Variants in AURKA observed in about 807,000 individuals in gnomAD.
AURKA encodes the protein aurora kinase A.
In AURKA, 12 loss-of-function variants were observed where a neutral mutation model predicts 40.9. The observed-to-expected ratio is 0.29, with a 90% confidence interval of 0.19 to 0.48. The LOEUF (loss-of-function observed/expected upper bound fraction) is 0.48, where lower values mean the gene tolerates loss of function less well. Among genes scored for constraint, AURKA ranks in the 20% least tolerant of loss-of-function variants. The pLI, the probability that AURKA is intolerant of heterozygous loss-of-function variation, is 0.99. For missense variants in AURKA, 322 were observed against 462.1 expected, an observed-to-expected ratio of 0.70 and a Z score of 2.78; for synonymous variants, 170 against 164.3, an observed-to-expected ratio of 1.03 and a Z score of -0.26.
intron 3 of AURKA, among the ~76,000 whole-genome samples, chr20:56,384,770 AC>A (rs1986153669): frequency 6.6e-6 from 1 of 152,116 alleles, no homozygotes; most frequent in Non-Finnish European, 1.5e-5. Flanking sequence ...TAAGCCAGCC[AC>A]CCTCCATTTA....
Position 56,373,287 on chromosome 20 carries a change from TG to T in AURKA, c.854+120del. 1 of 1,345,268 alleles carries T rather than the reference TG, an allele frequency of 7.4e-7. No individual in the cohort carries two copies. The highest frequency in any genetic ancestry group is 1.1e-6 in the Non-Finnish European group (1 of 942,248). 83.3% of individuals were successfully genotyped at this position (1,345,268 alleles called of 1,614,324 possible). A position where few individuals can be genotyped will look rare whatever the true frequency, so the allele number is the denominator to read the frequency against. ...AGCCTAAATTACTCCAAAGTACTTC[TG>T]GGTTAGCCACCTACCCCTCTTACAG... On this transcript the variant is annotated intron_variant, in intron 7 of 8. Transcript: ENST00000395915. This position sits in a 1 kb window ranked among gnomAD's most constrained non-coding sequence, Gnocchi z 5.0.
In AURKA at chr20:56,384,124, T is replaced by C. The variant is rs566517276; in HGVS notation, c.374+146A>G. ...CTCATTACACAAAATTCCATTTTTT[T>C]TAAGATTGGAAATCTGGAAACATTT... On this transcript the variant is annotated intron_variant, in intron 4 of 8. Transcript: ENST00000395915. 43 of 613,802 alleles carry C rather than the reference T, an allele frequency of 7.0e-5. No homozygotes were observed. In the Admixed American group the frequency reaches 1.3e-3, roughly 18 times the overall value. The allele number at this position is 613,802 out of a possible 1,614,324, so 38.0% of individuals were successfully genotyped here. A position where few individuals can be genotyped will look rare whatever the true frequency, so the allele number is the denominator to read the frequency against.
chr20:56,390,002 C>T (rs899036439), intron 1 of AURKA, among the ~76,000 whole-genome samples: 1 of 152,186 alleles, frequency 6.6e-6, no homozygotes, highest in Admixed American at 6.5e-5. Flanking sequence ...ATTCTTAACA[C>T]TGAGGCCGGC....
intron 1 of AURKA, among the ~76,000 whole-genome samples, chr20:56,391,722 C>T (rs1032177999): frequency 1.3e-5 from 2 of 152,138 alleles, no homozygotes; most frequent in African/African-American, 4.8e-5. Flanking sequence ...TAAAGCGGCC[C>T]CCGTTAAACC....
rs992888360 is a variant in AURKA, at chr20:56,384,152, A to T, written c.374+118T>A. On this transcript the variant is annotated intron_variant, in intron 4 of 8. Transcript: ENST00000395915. ...AGATTGGAAATCTGGAAACATTTAT[A>T]TCCTCTAAATGCAAATAAAGGCCTC... 31 of 712,958 alleles carry T rather than the reference A, an allele frequency of 4.3e-5. No individual in the cohort carries two copies. The East Asian group carries it at 8.3e-4, about 19-fold the overall frequency. 44.2% of individuals were successfully genotyped at this position (712,958 alleles called of 1,614,324 possible).
chr20:56,392,086 TCCGACCAG>T (rs1166206363), intron 1 of AURKA, 74 bp downstream of exon 1: 1 of 152,204 alleles, frequency 6.6e-6, no homozygotes, highest in Non-Finnish European at 1.5e-5. Context: ...GCTCCGCCAC[TCCGACCAG>T]CCGCCCCTTG....
intron 6 of AURKA, among the ~76,000 whole-genome samples, chr20:56,374,244 G>A (rs1001210435): frequency 7.9e-5 from 12 of 152,040 alleles, no homozygotes; most frequent in South Asian, 4.1e-4. Flanking sequence ...AACACCATAC[G>A]GCAACAAATG....
Position 56,383,173 on chromosome 20 carries a change from C to A in AURKA, c.378G>T (p.Arg126Ser), listed in dbSNP as rs1456483466. 6.2e-7 allele frequency: 1 copy of A among 1,614,086 alleles called. No homozygotes were observed. Among genetic ancestry groups the A allele is most frequent in the African/African-American group, 1.3e-5 (1 of 75,042 alleles). Residue 126 changes from arginine to serine, a missense_variant, in exon 5 of 9, where the codon AGG becomes AGT. Physicochemically the swap from Arg to Ser is moderately radical, Grantham distance 110 (BLOSUM62 -1). Coordinates refer to ENST00000395915, the MANE Select transcript of AURKA (RefSeq NM_198437.3). ...TTTCAAAGTCTTCCAAAGCCCACTG[C>A]CTCCTAGGAGGAATTTGAACACTTT... ...SKQKNEESKKRQWALEDFEIG... is the reference protein window; with the variant it reads ...SKQKNEESKKSQWALEDFEIG...
At chr20:56,375,651 C>T (rs1984832912) in intron 6 of AURKA, among the ~76,000 whole-genome samples, 2 of 152,224 alleles carry the variant, frequency 1.3e-5, no homozygotes, top group Admixed American at 1.3e-4. Context: ...AGCCCAAAAC[C>T]GGAGATCAAA....
Position 56,373,578 on chromosome 20 carries a change from C to G in AURKA, c.706-22G>C. 1 of 1,611,540 alleles carries G rather than the reference C, an allele frequency of 6.2e-7. No individual in the cohort carries two copies. The highest frequency in any genetic ancestry group is 1.3e-5 in the African/African-American group (1 of 74,972). On this transcript the variant is annotated intron_variant, in intron 6 of 8. Coordinates refer to ENST00000395915, the MANE Select transcript of AURKA (RefSeq NM_198437.3). The surrounding 1 kb of genome is among the most constrained non-coding windows in gnomAD (Gnocchi z 5.0). ...TATACTGTTAAAACAATATTGAAAG[C>G]CTATGTTTTAGATTTTATATAACAC...
chr20:56,380,820 A>T (rs1985614736), intron 6 of AURKA, among the ~76,000 whole-genome samples: 1 of 152,224 alleles, frequency 6.6e-6, no homozygotes, highest in Admixed American at 6.5e-5. Context: ...AAAAACTAAG[A>T]AAATCTGAAT....
rs2146140485 is a variant in AURKA at position 56,373,260 on chromosome 20, TA to T, written c.854+147del. 3.8e-6 allele frequency: 4 copies of T among 1,043,876 alleles called. No homozygotes were observed. The highest frequency in any genetic ancestry group is 1.6e-5 in the African/African-American group (1 of 62,866). The allele number at this position is 1,043,876 out of a possible 1,614,324, so 64.7% of individuals were successfully genotyped here. On this transcript the variant is annotated intron_variant, in intron 7 of 8. Transcript: ENST00000395915. The surrounding 1 kb of genome is among the most constrained non-coding windows in gnomAD (Gnocchi z 5.0). ...TTTCTTGCAAACCCTAGTTTATTAT[TA>T]AGCCTAAATTACTCCAAAGTACTTC...
chr20:56,376,218 C>A (rs1984904866), intron 6 of AURKA, among the ~76,000 whole-genome samples: 1 of 152,026 alleles, frequency 6.6e-6, no homozygotes, highest in Non-Finnish European at 1.5e-5. Context: ...AGGAAAAAAA[C>A]CAAGGGTAAA....
At position 56,388,213 on chromosome 20, in the gene AURKA, AAAG is replaced by A. The variant is rs748999707; in HGVS notation, c.-5-14_-5-12del. The A allele has an allele frequency of 5.6e-5, 58 of 1,038,396 alleles. No individual in the cohort carries two copies. The highest frequency in any genetic ancestry group is 1.5e-4 in the Admixed American group (4 of 26,884). The allele number at this position is 1,038,396 out of a possible 1,614,324, so 64.3% of individuals were successfully genotyped here. ...ATCGGTCCATGATGCCTGAAAAGAA[AAAG>A]AAGAACCTTTAATTTGAACAAAGCC... On this transcript the variant is annotated splice_polypyrimidine_tract_variant and intron_variant, in intron 1 of 8. Transcript: ENST00000395915.
At chr20:56,372,239 T>C (rs951124907) in intron 7 of AURKA, among the ~76,000 whole-genome samples, 3 of 152,142 alleles carry the variant, frequency 2.0e-5, no homozygotes, top group Admixed American at 6.5e-5. Flanking sequence ...AATTGTGACG[T>C]AGGATTAAGA....
intron 5 of AURKA, 77 bp from the exon 6 acceptor site, chr20:56,381,648 T>A: frequency 1.3e-6 from 2 of 1,578,622 alleles, no homozygotes; most frequent in Non-Finnish European, 1.7e-6. Flanking sequence ...AAACAAACTC[T>A]TCATGTAAAA....
At position 56,387,120 on chromosome 20, in the gene AURKA, A is replaced by G. The variant is rs183783170; in HGVS notation, c.43-587T>C. On this transcript the variant is annotated intron_variant, in intron 2 of 8. Transcript: ENST00000395915. ...CAAAAAACTGACAAAGAGGAAACAA[A>G]TGTAGACACTTCACAAAGTTACTAC... 2.4e-3 allele frequency among the ~76,000 whole-genome samples: 369 copies of G among 152,302 alleles called. 6 individuals are homozygous for G. Among genetic ancestry groups the G allele is most frequent in the South Asian group, 0.012 (58 of 4,824 alleles).
intron 6 of AURKA, among the ~76,000 whole-genome samples, chr20:56,378,909 A>AT (rs896555298): frequency 2.6e-5 from 4 of 151,070 alleles, no homozygotes; most frequent in Admixed American, 1.3e-4. Flanking sequence ...GAGACACAGG[A>AT]TTTTTTTTTT....
At chr20:56,384,195 T>C (rs1357453751) in intron 4 of AURKA, 75 bp downstream of exon 4, 5 of 1,220,060 alleles carry the variant, frequency 4.1e-6, no homozygotes, top group Non-Finnish European at 4.8e-6. Flanking sequence ...TCCCCAGAGT[T>C]CCCACAACGA....
Sources: gnomAD v4.1 joint callset for allele counts (sites outside exome capture counted in the v4.1 genomes callset) on GRCh38, gnomAD v4.1.1 for gene constraint, Gnocchi (gnomAD v3.1) non-coding constraint, MANE v1.5 for transcripts, NCBI Gene and HGNC (gene_info 2026-07-23, HGNC 2026-07-21) for gene names.